Variants in FGD4 observed in about 807,000 individuals in gnomAD.
The protein encoded by FGD4 is FYVE, RhoGEF and PH domain containing 4, also known as FYVE, RhoGEF and PH domain-containing protein 4.
In FGD4, 42 loss-of-function variants were observed where a neutral mutation model predicts 102.0. The observed-to-expected ratio is 0.41, with a 90% CI of 0.32 to 0.53. The LOEUF (loss-of-function observed/expected upper bound fraction) is 0.53. FGD4 is among the 20% of genes least tolerant of loss of function. The pLI, the probability that FGD4 is intolerant of heterozygous loss-of-function variation, is 0.21. For synonymous variants in FGD4, 380 were observed against 375.7 expected (o/e 1.01, Z -0.13); for missense variants, 902 against 1,078.2 (o/e 0.84, Z 2.29).
intron 1 of FGD4, among the ~76,000 whole-genome samples, chr12:32,480,786 A>G (rs999174046): frequency 1.4e-5 from 2 of 142,374 alleles, no homozygotes; most frequent in Admixed American, 1.4e-4. Context: ...GGCGTGAGCC[A>G]CCACGCCCGG....
rs938128999 is a variant in FGD4 at position 32,611,050 on chromosome 12, A to G, written c.1603-87A>G. 4.0e-5 allele frequency: 61 copies of G among 1,520,714 alleles called. No homozygotes were observed. In the South Asian group the frequency reaches 6.3e-4, roughly 16 times the overall value. 94.2% of individuals were successfully genotyped at this position (1,520,714 alleles called of 1,614,324 possible). ...TATGCTTACTCCTAATCCCTTCTAA[A>G]TTTAGATTTTAGTTAAGGTCATAGT... On this transcript the variant is annotated intron_variant, in intron 9 of 16. Coordinates refer to ENST00000534526, the MANE Select transcript of FGD4 (RefSeq NM_001370298.3).
At chr12:32,467,476 G>C (rs190732558) in intron 1 of FGD4, among the ~76,000 whole-genome samples, 11 of 152,114 alleles carry the variant, frequency 7.2e-5, no homozygotes, top group Admixed American at 2.6e-4. Flanking sequence ...TAAATAAAAC[G>C]TAATTAAAGT....
At chr12:32,583,028 TA>T (rs1946735565) in intron 4 of FGD4, 1 of 153,060 alleles carries the variant, frequency 6.5e-6, no homozygotes, top group East Asian at 1.9e-4. Context: ...GTCTTTGAGT[TA>T]GAAGGCCATT....
intron 1 of FGD4, chr12:32,485,905 C>A: frequency 1.6e-6 from 2 of 1,257,110 alleles, no homozygotes; most frequent in Non-Finnish European, 2.0e-6. Flanking sequence ...GCGTTGCTTG[C>A]GTAGTTCCTT....
chr12:32,621,936 G>A (rs1949866192), intron 11 of FGD4, among the ~76,000 whole-genome samples: 3 of 151,718 alleles, frequency 2.0e-5, no homozygotes, highest in Admixed American at 2.0e-4. Context: ...TGCCCAGGCT[G>A]GAGTGCAATG....
intron 10 of FGD4, 106 bp downstream of exon 10, chr12:32,611,389 G>T: frequency 7.5e-7 from 1 of 1,333,118 alleles, no homozygotes; most frequent in South Asian, 1.2e-5. Flanking sequence ...GCCGAGGCGA[G>T]TGGATCTCCT....
intron 1 of FGD4, among the ~76,000 whole-genome samples, chr12:32,505,639 C>T (rs1938644616): frequency 6.6e-6 from 1 of 152,156 alleles, no homozygotes; most frequent in Non-Finnish European, 1.5e-5. Context: ...CACTTTAACC[C>T]CAGAAATAGC....
At chr12:32,416,676 C>T (rs1278596058) in intron 1 of FGD4, among the ~76,000 whole-genome samples, 1 of 152,010 alleles carries the variant, frequency 6.6e-6, no homozygotes, top group African/African-American at 2.4e-5. Context: ...TTCTCCTCCC[C>T]TTTTAACTTT....
chr12:32,481,698 G>A (rs1393885667), intron 1 of FGD4, among the ~76,000 whole-genome samples: 1 of 152,034 alleles, frequency 6.6e-6, no homozygotes, highest in Admixed American at 6.6e-5. Context: ...GTGTGCACCT[G>A]CAGTCCTAGC....
intron 1 of FGD4, among the ~76,000 whole-genome samples, chr12:32,555,569 C>CTTTTTT (rs776546962): frequency 8.4e-6 from 1 of 118,752 alleles, no homozygotes; most frequent in Non-Finnish European, 1.8e-5. Context: ...GAGACAAGGT[C>CTTTTTT]TTTTTTTTTT....
chr12:32,630,591 G>C (rs142698660), intron 14 of FGD4, among the ~76,000 whole-genome samples: 1,767 of 152,162 alleles, frequency 0.012, 31 homozygotes, highest in African/African-American at 0.041. Flanking sequence ...GAGGCAGGTG[G>C]ATCACAAGGT....
At chr12:32,632,861 C>A (rs1479940660) in intron 14 of FGD4, among the ~76,000 whole-genome samples, 2 of 151,798 alleles carry the variant, frequency 1.3e-5, no homozygotes, top group African/African-American at 4.8e-5. Flanking sequence ...AGCCACCACA[C>A]CCAGTCAGAT....
At chr12:32,434,927 A>ATTTCT (rs1354396980) in intron 1 of FGD4, among the ~76,000 whole-genome samples, 1 of 151,042 alleles carries the variant, frequency 6.6e-6, no homozygotes, top group Non-Finnish European at 1.5e-5. Flanking sequence ...GCTTCGCTTC[A>ATTTCT]TTTCTTTTCT....
chr12:32,494,141 C>T (rs574402245), intron 1 of FGD4, among the ~76,000 whole-genome samples: 2 of 152,220 alleles, frequency 1.3e-5, no homozygotes, highest in Non-Finnish European at 2.9e-5. Context: ...TGTGCTCAGG[C>T]AATCCTCCTG....
At chr12:32,450,950 A>G (rs888857765) in intron 1 of FGD4, among the ~76,000 whole-genome samples, 15 of 152,120 alleles carry the variant, frequency 9.9e-5, no homozygotes, top group African/African-American at 3.1e-4. Context: ...CAGATGTCCT[A>G]TACACTTGGG....
intron 1 of FGD4, among the ~76,000 whole-genome samples, chr12:32,440,039 C>T (rs1207376080): frequency 7.7e-6 from 1 of 129,744 alleles, no homozygotes; most frequent in African/African-American, 3.1e-5. Flanking sequence ...ATAGAATTAT[C>T]AATTCCTTCT....
chr12:32,422,929 A>G (rs1293622371), intron 1 of FGD4, among the ~76,000 whole-genome samples: 1 of 152,176 alleles, frequency 6.6e-6, no homozygotes, highest in African/African-American at 2.4e-5. Context: ...CGTACAGAAG[A>G]GGAAGCAGAA....
intron 1 of FGD4, among the ~76,000 whole-genome samples, chr12:32,498,990 T>C (rs867097423): frequency 8.5e-5 from 13 of 152,192 alleles, no homozygotes; most frequent in Admixed American, 5.9e-4. Context: ...GTTACAGAGA[T>C]GCTCAGATTT....
chr12:32,640,456 G>A lies in FGD4; in HGVS notation c.2635G>A (p.Glu879Lys), dbSNP rs1555225245. ...AGTCATCCTTTTAGCTGTCACAGGT[G>A]AGACACCAGGTGGTCCAAATGAGCA... is the stretch of plus-strand genomic sequence containing the variant. Reference protein sequence around the residue: ...LKVILLAVTGETPGGPNEHPA... With the variant: ...LKVILLAVTGKTPGGPNEHPA... The change falls in exon 17 of 17, where the codon GAG (glutamate) becomes AAG (lysine). Residue 879 changes from glutamate (E) to lysine (K), a missense_variant. Transcript: ENST00000534526. 3 of 1,614,034 alleles carry A rather than the reference G, an allele frequency of 1.9e-6. No individual in the cohort carries two copies. Among genetic ancestry groups the A allele is most frequent in the South Asian group, 1.1e-5 (1 of 91,088 alleles).
Sources: allele counts gnomAD v4.1 joint callset (sites outside exome capture counted in the v4.1 genomes callset), GRCh38; gene constraint gnomAD v4.1.1; transcripts MANE v1.5; gene names NCBI Gene and HGNC (gene_info 2026-07-23, HGNC 2026-07-21).